The following CMC1 variants were observed in gnomAD, a reference collection of about 807,000 sequenced individuals.
CMC1 encodes C-X9-C motif containing 1.
A neutral mutation model predicts 14.1 loss-of-function variants in CMC1; 14 were observed. The ratio of observed to expected loss-of-function variants is 0.99; its 90% confidence interval spans 0.66 to 1.55. The LOEUF (loss-of-function observed/expected upper bound fraction) is 1.55, where lower values mean the gene tolerates loss of function less well. CMC1 is among the 40% of genes most tolerant of loss of function. CMC1 has a pLI of 0.00. For missense variants in CMC1, 127 were observed against 123.8 expected, an observed-to-expected ratio of 1.03 and a Z score of -0.12; for synonymous variants, 50 against 38.4, an observed-to-expected ratio of 1.30 and a Z score of -1.12.
At chr3:28,317,249 ATG>A (rs1421546441) in intron 3 of CMC1, 2 of 151,988 alleles carry the variant, frequency 1.3e-5, no homozygotes, top group African/African-American at 4.8e-5. Context: ...TTTTTTTAGA[ATG>A]GTGGAGTTGG....
chr3:28,281,521 A>G (rs558144932), intron 2 of CMC1, among the ~76,000 whole-genome samples: 1 of 152,344 alleles, frequency 6.6e-6, no homozygotes, highest in South Asian at 2.1e-4. Flanking sequence ...ATTAAGTTTA[A>G]TATCATGTCT....
intron 2 of CMC1, among the ~76,000 whole-genome samples, chr3:28,296,632 T>A (rs181392478): frequency 3.9e-4 from 59 of 152,140 alleles, no homozygotes; most frequent in African/African-American, 1.4e-3. Flanking sequence ...TCTTATTATT[T>A]TTATTATTTT....
chr3:28,323,967 T>A lies in CMC1; in HGVS notation c.*4338T>A. ...ATTTTAATCAAAATCTCCTTTCAGTTTGTTAAATAATTTCTTGGGAGGACC... is the reference window on the plus strand; with the variant it reads ...ATTTTAATCAAAATCTCCTTTCAGTATGTTAAATAATTTCTTGGGAGGACC... On this transcript the variant is annotated 3_prime_UTR_variant, in exon 4 of 4. Transcript: ENST00000466830. 1 of 1,456,882 alleles carries A rather than the reference T, an allele frequency of 6.9e-7. No homozygotes were observed. Among genetic ancestry groups the A allele is most frequent in the Non-Finnish European group, 9.3e-7 (1 of 1,077,798 alleles). 90.2% of individuals were successfully genotyped at this position (1,456,882 alleles called of 1,614,324 possible).
intron 3 of CMC1, chr3:28,317,824 ATGTT>A (rs1559450239): frequency 6.6e-6 from 1 of 151,984 alleles, no homozygotes; most frequent in Admixed American, 6.6e-5. Flanking sequence ...TATTCAGAAA[ATGTT>A]AGCTCTTTTT....
intron 1 of CMC1, chr3:28,263,014 T>C (rs1001635078): frequency 6.6e-5 from 19 of 286,240 alleles, no homozygotes; most frequent in Non-Finnish European, 1.0e-4. Context: ...TTTGACAAGA[T>C]TGCATGGAAT....
At chr3:28,288,074 A>G (rs992182160) in intron 2 of CMC1, among the ~76,000 whole-genome samples, 11 of 152,052 alleles carry the variant, frequency 7.2e-5, no homozygotes, top group Admixed American at 5.9e-4. Context: ...GCAGACATCA[A>G]TCATTTCCAT....
intron 2 of CMC1, among the ~76,000 whole-genome samples, chr3:28,297,901 G>A (rs1307244983): frequency 1.3e-5 from 2 of 151,566 alleles, no homozygotes; most frequent in Non-Finnish European, 2.9e-5. Flanking sequence ...CACACATTAT[G>A]TATTTATATG....
chr3:28,261,476 A>G (rs982652037), intron 1 of CMC1, among the ~76,000 whole-genome samples: 8 of 152,140 alleles, frequency 5.3e-5, no homozygotes, highest in African/African-American at 1.9e-4. Context: ...CAGATGTCAG[A>G]TACATATATG....
chr3:28,263,384 ACATT>A lies in CMC1; in HGVS notation c.109+7_109+10del. ...AGGTGTTCTGAACAAGTTCAAGGTA[ACATT>A]CAAATATTCATGTAAAGATCAAATT... On this transcript the variant is annotated splice_donor_5th_base_variant and intron_variant, in intron 2 of 3. Transcript: ENST00000466830. 1 of 1,544,452 alleles carries A rather than the reference ACATT, an allele frequency of 6.5e-7. No individual in the cohort carries two copies. Among genetic ancestry groups the A allele is most frequent in the South Asian group, 1.2e-5 (1 of 84,888 alleles).
intron 2 of CMC1, among the ~76,000 whole-genome samples, chr3:28,289,749 G>A (rs1318090653): frequency 1.3e-5 from 2 of 151,870 alleles, no homozygotes; most frequent in Non-Finnish European, 2.9e-5. Context: ...GCATTTTATT[G>A]TTGTGGGGGA....
In CMC1 at chr3:28,324,565, C is replaced by A; in HGVS notation, c.*4936C>A. On this transcript the variant is annotated 3_prime_UTR_variant, in exon 4 of 4. Coordinates refer to ENST00000466830, the MANE Select transcript of CMC1 (RefSeq NM_182523.2). ...GAACTGGTGATGAAATTAAGATTTC[C>A]AAGTTAGTGTGATCATTGAGGCACT... 1 of 1,025,384 alleles carries A rather than the reference C, an allele frequency of 9.8e-7. No homozygotes were observed. Among genetic ancestry groups the A allele is most frequent in the East Asian group, 2.7e-5 (1 of 37,144 alleles). The allele number at this position is 1,025,384 out of a possible 1,614,324, so 63.5% of individuals were successfully genotyped here. A position where few individuals can be genotyped will look rare whatever the true frequency, so the allele number is the denominator to read the frequency against.
At position 28,299,584 on chromosome 3, in the gene CMC1, TAATA is replaced by T. The variant is rs377604928; in HGVS notation, c.110-16745_110-16742del. 1.8e-4 allele frequency among the ~76,000 whole-genome samples: 28 copies of T among 152,252 alleles called. No individual in the cohort carries two copies. The East Asian group carries it at 5.0e-3, about 27-fold the overall frequency. ...CAGACTAATCTTTAAAGTAGCAAGC[TAATA>T]AATCACAAGTTAATAGAAAATTAAA... On this transcript the variant is annotated intron_variant, in intron 2 of 3. Transcript: ENST00000466830.
chr3:28,242,493 A>T (rs1202785136), intron 1 of CMC1, among the ~76,000 whole-genome samples: 1 of 152,240 alleles, frequency 6.6e-6, no homozygotes, highest in Non-Finnish European at 1.5e-5. Context: ...TTATGGATAC[A>T]AAAAGTCAAA....
intron 1 of CMC1, among the ~76,000 whole-genome samples, chr3:28,250,542 C>T (rs1699078746): frequency 6.6e-6 from 1 of 152,176 alleles, no homozygotes; most frequent in South Asian, 2.1e-4. Context: ...GTTCCATCCA[C>T]CACCCTTTTC....
In CMC1 at chr3:28,319,909, G is replaced by A. The variant is rs1703133093; in HGVS notation, c.*280G>A. The A allele has an allele frequency of 4.8e-6, 1 of 208,272 alleles. No individual in the cohort carries two copies. The highest frequency in any genetic ancestry group is 9.5e-6 in the Non-Finnish European group (1 of 105,092). 12.9% of individuals were successfully genotyped at this position (208,272 alleles called of 1,614,324 possible). On this transcript the variant is annotated 3_prime_UTR_variant, in exon 4 of 4. Coordinates refer to ENST00000466830, the MANE Select transcript of CMC1 (RefSeq NM_182523.2). Reference sequence around the variant, plus strand: ...TACTGATTTTTTAGAGTTCAATATGGTCCTTATATTATTTTTTTCCAGTGT... The same window carrying A: ...TACTGATTTTTTAGAGTTCAATATGATCCTTATATTATTTTTTTCCAGTGT...
chr3:28,275,569 C>T (rs943443931), intron 2 of CMC1, among the ~76,000 whole-genome samples: 3 of 151,886 alleles, frequency 2.0e-5, no homozygotes, highest in African/African-American at 4.8e-5. Flanking sequence ...GGCAACCCCC[C>T]GATTGGGTCT....
At chr3:28,306,644 A>ATT (rs201960912) in intron 2 of CMC1, among the ~76,000 whole-genome samples, 58 of 141,936 alleles carry the variant, frequency 4.1e-4, no homozygotes, top group African/African-American at 1.2e-3. Context: ...AAAATGAAGA[A>ATT]TTTTTTTTTT....
intron 2 of CMC1, among the ~76,000 whole-genome samples, chr3:28,271,796 G>C (rs1247217766): frequency 6.6e-6 from 1 of 152,164 alleles, no homozygotes. Flanking sequence ...GAATAGCATT[G>C]AATCTATAAA....
chr3:28,324,475 A>G lies in CMC1; in HGVS notation c.*4846A>G. ...ACAGGCTAAAAAGAAAACACAGACT[A>G]AATGTCAGTTTTCATTACATTTGTG... is the stretch of plus-strand genomic sequence containing the variant. On this transcript the variant is annotated 3_prime_UTR_variant, in exon 4 of 4. Coordinates refer to ENST00000466830, the MANE Select transcript of CMC1 (RefSeq NM_182523.2). The G allele has an allele frequency of 7.0e-7, 1 of 1,438,526 alleles. No homozygotes were observed. 89.1% of individuals were successfully genotyped at this position (1,438,526 alleles called of 1,614,324 possible).
Sources: gnomAD v4.1 joint callset for allele counts (sites outside exome capture counted in the v4.1 genomes callset) on GRCh38, gnomAD v4.1.1 for gene constraint, MANE v1.5 for transcripts, NCBI Gene and HGNC (gene_info 2026-07-23, HGNC 2026-07-21) for gene names.